Variants in ZBTB7C observed in about 807,000 individuals in gnomAD.
The protein encoded by ZBTB7C is zinc finger and BTB domain-containing protein 7C.
In ZBTB7C, 8 loss-of-function variants were observed where a neutral mutation model predicts 25.7. The ratio of observed to expected loss-of-function variants is 0.31; its 90% confidence interval spans 0.18 to 0.56. The LOEUF (loss-of-function observed/expected upper bound fraction) is 0.56, where lower values mean the gene tolerates loss of function less well. Ranked by LOEUF, ZBTB7C falls within the 20% of genes least tolerant of loss-of-function variation. The pLI is 0.91. For missense variants in ZBTB7C, 824 were observed against 855.2 expected (o/e 0.96, Z 0.46); for synonymous variants, 394 against 369.0 (o/e 1.07, Z -0.78).
chr18:48,385,979 T>G (rs2047738338), intron 1 of ZBTB7C, among the ~76,000 whole-genome samples: 1 of 152,172 alleles, frequency 6.6e-6, no homozygotes, highest in Admixed American at 6.5e-5. Context: ...TCACAGATAT[T>G]ATACAATATG....
chr18:48,202,694 G>A (rs989290497), intron 2 of ZBTB7C, among the ~76,000 whole-genome samples: 4 of 146,358 alleles, frequency 2.7e-5, no homozygotes, highest in Non-Finnish European at 4.5e-5. Context: ...CACCCCCGCC[G>A]CACGCAGGCC....
intron 2 of ZBTB7C, among the ~76,000 whole-genome samples, chr18:48,331,874 T>C (rs888555189): frequency 1.3e-5 from 2 of 152,178 alleles, no homozygotes; most frequent in African/African-American, 4.8e-5. Flanking sequence ...TTTTAATCAC[T>C]GAAATGTTCA....
chr18:48,400,328 G>A (rs2048127754), intron 1 of ZBTB7C, among the ~76,000 whole-genome samples: 1 of 152,190 alleles, frequency 6.6e-6, no homozygotes, highest in Non-Finnish European at 1.5e-5. Context: ...TTTGCTTTCT[G>A]TGTCTTTCTT....
At chr18:48,037,125 C>T (rs1053210920) in intron 4 of ZBTB7C, among the ~76,000 whole-genome samples, 1 of 152,230 alleles carries the variant, frequency 6.6e-6, no homozygotes, top group Non-Finnish European at 1.5e-5. Context: ...GGTTTCTCTC[C>T]TCCTGGGAAG....
chr18:48,364,843 T>C (rs1359329323), intron 1 of ZBTB7C, among the ~76,000 whole-genome samples: 1 of 152,218 alleles, frequency 6.6e-6, no homozygotes, highest in African/African-American at 2.4e-5. Flanking sequence ...GTTCTGCCTT[T>C]TTCCGTTTAA....
chr18:48,176,321 A>C (rs1270515745), intron 3 of ZBTB7C, among the ~76,000 whole-genome samples: 1 of 152,256 alleles, frequency 6.6e-6, no homozygotes, highest in African/African-American at 2.4e-5. Flanking sequence ...TCCATGTCAT[A>C]AAAGACAAAG....
intron 3 of ZBTB7C, among the ~76,000 whole-genome samples, chr18:48,089,553 C>T (rs563096697): frequency 1.3e-5 from 2 of 151,512 alleles, no homozygotes; most frequent in South Asian, 4.2e-4. Context: ...ACTCCCCGGG[C>T]GATTCTGATG....
intron 2 of ZBTB7C, among the ~76,000 whole-genome samples, chr18:48,295,752 C>T (rs994539273): frequency 3.9e-5 from 6 of 152,144 alleles, no homozygotes; most frequent in Non-Finnish European, 7.4e-5. Flanking sequence ...AGGTGGCAGG[C>T]CTGAGCCAAC....
intron 2 of ZBTB7C, among the ~76,000 whole-genome samples, chr18:48,240,664 C>T (rs533782116): frequency 1.3e-5 from 2 of 152,136 alleles, no homozygotes; most frequent in Non-Finnish European, 2.9e-5. Context: ...TTCACCACTC[C>T]AAGCCAGCAC....
chr18:48,183,798 A>T (rs568694179), intron 3 of ZBTB7C, among the ~76,000 whole-genome samples: 1 of 152,112 alleles, frequency 6.6e-6, no homozygotes, highest in Non-Finnish European at 1.5e-5. Flanking sequence ...GCTGCTGACA[A>T]ATAAGGGGAC....
intron 2 of ZBTB7C, among the ~76,000 whole-genome samples, chr18:48,308,330 T>A (rs1370386534): frequency 2.0e-5 from 3 of 152,208 alleles, no homozygotes; most frequent in Non-Finnish European, 4.4e-5. Flanking sequence ...CTATTGTTCC[T>A]CAAAGGGCGA....
At chr18:48,258,227 A>G (rs1207958982) in intron 2 of ZBTB7C, among the ~76,000 whole-genome samples, 1 of 152,230 alleles carries the variant, frequency 6.6e-6, no homozygotes, top group Non-Finnish European at 1.5e-5. Context: ...TGAATGTTCT[A>G]GCCAGTGCAA....
intron 3 of ZBTB7C, among the ~76,000 whole-genome samples, chr18:48,129,253 C>T (rs1190816683): frequency 6.6e-6 from 1 of 151,206 alleles, no homozygotes; most frequent in Non-Finnish European, 1.5e-5. Flanking sequence ...GTCAAAGACA[C>T]ACTCAGGGTG....
At chr18:48,281,221 A>G (rs1200483283) in intron 2 of ZBTB7C, among the ~76,000 whole-genome samples, 1 of 152,122 alleles carries the variant, frequency 6.6e-6, no homozygotes, top group Non-Finnish European at 1.5e-5. Context: ...AGGAGTCCCT[A>G]TTTAATAAAT....
chr18:48,176,332 A>C (rs1324888885), intron 3 of ZBTB7C, among the ~76,000 whole-genome samples: 1 of 152,226 alleles, frequency 6.6e-6, no homozygotes. Flanking sequence ...AAAGACAAAG[A>C]AAGGCTGTGA....
At chr18:48,035,851 C>T (rs1320877842) in intron 4 of ZBTB7C, among the ~76,000 whole-genome samples, 1 of 152,236 alleles carries the variant, frequency 6.6e-6, no homozygotes, top group East Asian at 1.9e-4. Flanking sequence ...TGAAGAGGAT[C>T]TAAGGTAATC....
chr18:48,226,288 G>A (rs2043090179), intron 2 of ZBTB7C, among the ~76,000 whole-genome samples: 1 of 152,224 alleles, frequency 6.6e-6, no homozygotes, highest in Non-Finnish European at 1.5e-5. Flanking sequence ...AACACCTCCA[G>A]GTGTCCTCTA....
intron 1 of ZBTB7C, among the ~76,000 whole-genome samples, chr18:48,376,336 A>G (rs2047517855): frequency 6.6e-6 from 1 of 152,216 alleles, no homozygotes. Context: ...TTCGGAAGGA[A>G]GGGTTTTCCG....
chr18:48,289,554 A>T (rs937560550), intron 2 of ZBTB7C, among the ~76,000 whole-genome samples: 24 of 132,026 alleles, frequency 1.8e-4, no homozygotes, highest in African/African-American at 6.9e-4. Flanking sequence ...TATTCATTCA[A>T]TATATATTTA....
Sources: allele counts gnomAD v4.1 joint callset (sites outside exome capture counted in the v4.1 genomes callset), GRCh38; gene constraint gnomAD v4.1.1; transcripts MANE v1.5; gene names NCBI Gene and HGNC (gene_info 2026-07-23, HGNC 2026-07-21).